IGF2R: variants seen among roughly 807,000 people sequenced by gnomAD.
The protein encoded by IGF2R is cation-independent mannose-6-phosphate receptor.
Under a neutral mutation model 270.6 loss-of-function variants are expected in IGF2R, and 91 were observed. The observed-to-expected ratio is 0.34, with a 90% confidence interval of 0.28 to 0.40. The LOEUF is 0.40. Among genes scored for constraint, IGF2R ranks in the 10% least tolerant of loss-of-function variants. The pLI is 1.00. For synonymous variants in IGF2R, 1,316 were observed against 1,258.9 expected (o/e 1.05, Z -0.96); for missense variants, 2,805 against 3,188.3 (o/e 0.88, Z 2.90).
intron 43 of IGF2R, 85 bp from the exon 44 acceptor site, chr6:160,089,831 C>A (rs1399868917): frequency 2.2e-6 from 2 of 917,744 alleles, no homozygotes; most frequent in Admixed American, 2.8e-5. Context: ...TGGGGCCCTG[C>A]AGTGATTCTG....
intron 1 of IGF2R, among the ~76,000 whole-genome samples, chr6:159,986,180 CAG>C (rs1305159422): frequency 1.3e-5 from 2 of 151,560 alleles, no homozygotes; most frequent in Non-Finnish European, 2.9e-5. Flanking sequence ...GAAGACTTGA[CAG>C]AGTTTCAGGA....
Position 160,033,021 on chromosome 6 carries a change from T to G in IGF2R, c.1125T>G (p.Asn375Lys). 1 of 1,610,382 alleles carries G rather than the reference T, an allele frequency of 6.2e-7. No homozygotes were observed. Among genetic ancestry groups the G allele is most frequent in the African/African-American group, 1.3e-5 (1 of 74,994 alleles). The change falls in exon 9 of 48, where the codon AAT (asparagine) becomes AAG (lysine). Residue 375 changes from asparagine (N) to lysine (K), a missense_variant. By Grantham distance (94) the Asn-to-Lys change is moderately conservative. Around this residue, in one of 2 missense-constraint regions of IGF2R, gnomAD observed 954 missense variants for 981.1 expected, o/e 0.97. Coordinates refer to ENST00000356956, the MANE Select transcript of IGF2R (RefSeq NM_000876.4). Reference protein sequence around the residue: ...VCGETEIQFCNKKQAAVCQVK... With the variant: ...VCGETEIQFCKKKQAAVCQVK... ...GAGAAACTGAAATACAGTTCTGTAA[T>G]AAAAAACAAGCTGCAGTTTGCCAAG...
chr6:160,021,547 A>G (rs1225846817), intron 4 of IGF2R, among the ~76,000 whole-genome samples: 1 of 151,870 alleles, frequency 6.6e-6, no homozygotes, highest in African/African-American at 2.4e-5. Context: ...TACATATGTA[A>G]CAAACCTGCA....
chr6:159,996,473 A>G (rs1021170355), intron 2 of IGF2R, among the ~76,000 whole-genome samples: 7 of 152,106 alleles, frequency 4.6e-5, no homozygotes, highest in African/African-American at 1.7e-4. Context: ...ACAGAACTGA[A>G]CTGCCAGTTC....
intron 10 of IGF2R, among the ~76,000 whole-genome samples, chr6:160,037,971 A>G (rs1243457117): frequency 6.6e-6 from 1 of 152,070 alleles, no homozygotes; most frequent in Non-Finnish European, 1.5e-5. Context: ...CCTGAATATC[A>G]GGGGAGGCTG....
chr6:160,078,390 G>T lies in IGF2R; in HGVS notation c.5478+28G>T, dbSNP rs372701554. 2.1e-5 allele frequency: 34 copies of T among 1,606,884 alleles called. No homozygotes were observed. The Admixed American group carries it at 4.0e-4, about 19-fold the overall frequency. On this transcript the variant is annotated intron_variant, in intron 37 of 47. Transcript: ENST00000356956. ...AATGCGTTCACCCTGGGCGTTGCTGGTGCAGGTGTACCAGGTGCCAGGTGC... is the reference window on the plus strand; with the variant it reads ...AATGCGTTCACCCTGGGCGTTGCTGTTGCAGGTGTACCAGGTGCCAGGTGC...
chr6:160,070,045 G>A lies in IGF2R; in HGVS notation c.4430G>A (p.Ser1477Asn), dbSNP rs1476228710. 2 of 1,614,096 alleles carry A rather than the reference G, an allele frequency of 1.2e-6. No individual in the cohort carries two copies. The highest frequency in any genetic ancestry group is 1.3e-5 in the African/African-American group (1 of 74,950). ...KKSTTIRFTC[S>N]ESQVNSRPMF... The stretch of plus-strand genomic sequence containing the variant: ...TCAACCACCATCCGATTCACCTGCA[G>A]CGAGAGCCAAGTGGTAAGGGACTGT... The change falls in exon 31 of 48, where the codon AGC (serine) becomes AAC (asparagine). Residue 1477 changes from serine (S) to asparagine (N), a missense_variant. Ser to Asn is a conservative substitution (Grantham distance 46, BLOSUM62 1). Transcript: ENST00000356956.
intron 1 of IGF2R, among the ~76,000 whole-genome samples, chr6:159,989,058 C>A (rs959962026): frequency 6.6e-6 from 1 of 152,274 alleles, no homozygotes; most frequent in African/African-American, 2.4e-5. Flanking sequence ...AGGAGTCATA[C>A]CCCGAGGGTA....
chr6:160,019,051 T>C (rs940194855), intron 4 of IGF2R, among the ~76,000 whole-genome samples: 19 of 152,076 alleles, frequency 1.2e-4, no homozygotes, highest in Non-Finnish European at 2.4e-4. Context: ...ATAATATTCA[T>C]AGACTGTTGG....
At chr6:160,010,564 A>AT in intron 3 of IGF2R, 123 bp from the exon 4 acceptor site, 1 of 632,172 alleles carries the variant, frequency 1.6e-6, no homozygotes, top group South Asian at 2.2e-5. Context: ...AAGCGGTTGC[A>AT]TCCCCTGCCC....
intron 20 of IGF2R, among the ~76,000 whole-genome samples, chr6:160,057,295 G>A (rs1031970917): frequency 6.6e-6 from 1 of 152,208 alleles, no homozygotes. Context: ...GCTCAGTGAC[G>A]TTCTCTCTGA....
Position 160,108,881 on chromosome 6 carries a change from C to A in IGF2R, c.*3797C>A, listed in dbSNP as rs1779684238. The A allele has an allele frequency of 1.3e-5, 2 of 152,136 alleles. No homozygotes were observed. The highest frequency in any genetic ancestry group is 2.9e-5 in the Non-Finnish European group (2 of 68,046). The allele number at this position is 152,136 out of a possible 1,614,324, so 9.4% of individuals were successfully genotyped here. A position where few individuals can be genotyped will look rare whatever the true frequency, so the allele number is the denominator to read the frequency against. The stretch of plus-strand genomic sequence containing the variant: ...TATTTTTAATAGCGACAGGGTTTCA[C>A]CGTGTTGGCCAGGATGGTCTCGATC... On this transcript the variant is annotated 3_prime_UTR_variant, in exon 48 of 48. Coordinates refer to ENST00000356956, the MANE Select transcript of IGF2R (RefSeq NM_000876.4).
intron 41 of IGF2R, 64 bp from the exon 42 acceptor site, chr6:160,087,969 G>A (rs1490177259): frequency 1.1e-5 from 11 of 1,041,574 alleles, no homozygotes; most frequent in East Asian, 9.5e-5. Context: ...GAGCCACTGC[G>A]CCTGCCTGAG....
chr6:160,048,447 G>C lies in IGF2R; in HGVS notation c.2418G>C (p.Trp806Cys). 1.9e-6 allele frequency: 3 copies of C among 1,614,234 alleles called. No homozygotes were observed. The highest frequency in any genetic ancestry group is 2.5e-6 in the Non-Finnish European group (3 of 1,180,016). Reference protein sequence around the residue: ...AMDNSGEHVTWRKYYINVCRP... With the variant: ...AMDNSGEHVTCRKYYINVCRP... ...ACAACTCAGGGGAACATGTCACGTG[G>C]AGGAAATACTACATTAACGTGTGTC... Residue 806 changes from tryptophan (W) to cysteine (C), a missense_variant, in exon 18 of 48, where the codon TGG (tryptophan) becomes TGC (cysteine). Trp to Cys is a radical substitution (Grantham distance 215). Coordinates refer to ENST00000356956, the MANE Select transcript of IGF2R (RefSeq NM_000876.4).
intron 45 of IGF2R, among the ~76,000 whole-genome samples, chr6:160,098,455 C>CG (rs1562378771): frequency 6.6e-6 from 1 of 152,096 alleles, no homozygotes; most frequent in Non-Finnish European, 1.5e-5. Flanking sequence ...AGGTACCACC[C>CG]GGGGGTGACG....
chr6:160,104,555 C>T, intron 47 of IGF2R, 119 bp from the exon 48 acceptor site: 1 of 1,003,384 alleles, frequency 1.0e-6, no homozygotes, highest in Admixed American at 2.4e-5. Flanking sequence ...ACTGTGAGGA[C>T]AGTGGGCCAG....
chr6:160,006,556 C>T (rs1231635719), intron 2 of IGF2R: 2 of 152,302 alleles, frequency 1.3e-5, no homozygotes, highest in Non-Finnish European at 2.9e-5. Flanking sequence ...AGAAAAGACC[C>T]TGGGTGTTGC....
At position 160,063,526 on chromosome 6, in the gene IGF2R, T is replaced by C. The variant is rs1485040402; in HGVS notation, c.3782T>C (p.Val1261Ala). The C allele has an allele frequency of 1.9e-6, 3 of 1,614,164 alleles. No homozygotes were observed. Among genetic ancestry groups the C allele is most frequent in the Non-Finnish European group, 1.7e-6 (2 of 1,180,010 alleles). The change falls in exon 27 of 48, where the codon GTC becomes GCC. Residue 1261 changes from valine to alanine, a missense_variant. Physicochemically the swap from Val to Ala is moderately conservative, Grantham distance 64 (BLOSUM62 0). This residue lies in a region of IGF2R where 1,851 missense variants were observed against 2,207.2 expected (regional missense o/e 0.84). Transcript: ENST00000356956. ...SAGEYTYYFR[V>A]CGKLSSDVCP... Reference sequence around the variant, plus strand: ...GGCGAATACACTTATTACTTCCGGGTCTGTGGGAAGCTTTCCTCAGACGTC... The same window carrying C: ...GGCGAATACACTTATTACTTCCGGGCCTGTGGGAAGCTTTCCTCAGACGTC...
At chr6:160,002,695 GTAT>G (rs1447837374) in intron 2 of IGF2R, among the ~76,000 whole-genome samples, 2 of 151,962 alleles carry the variant, frequency 1.3e-5, no homozygotes, top group Non-Finnish European at 2.9e-5. Context: ...AAATTTATGA[GTAT>G]TATTATTTAA....
Sources: allele counts gnomAD v4.1 joint callset (sites outside exome capture counted in the v4.1 genomes callset), GRCh38; gene constraint gnomAD v4.1.1; regional missense constraint gnomAD v4.1.1; transcripts MANE v1.5; gene names NCBI Gene and HGNC (gene_info 2026-07-23, HGNC 2026-07-21).